CIT: variants seen among roughly 807,000 people sequenced by gnomAD.
CIT encodes citron Rho-interacting kinase.
In CIT, 79 loss-of-function variants were observed where a neutral mutation model predicts 272.7. The ratio of observed to expected loss-of-function variants is 0.29; its 90% CI spans 0.24 to 0.35. The LOEUF (loss-of-function observed/expected upper bound fraction) is 0.35. Ranked by LOEUF, CIT falls within the 10% of genes least tolerant of loss-of-function variation. The pLI, the probability that CIT is intolerant of heterozygous loss-of-function variation, is 1.00. For missense variants in CIT, 1,909 were observed against 2,618.3 expected (o/e 0.73, Z 5.91); for synonymous variants, 948 against 995.6 (o/e 0.95, Z 0.90).
At chr12:119,772,744 G>GC in intron 17 of CIT, 26 bp downstream of exon 17, 1 of 1,600,978 alleles carries the variant, frequency 6.2e-7, no homozygotes, top group South Asian at 1.1e-5. Context: ...GGCCGCTGGG[G>GC]CCTGGGCTGG....
intron 10 of CIT, among the ~76,000 whole-genome samples, chr12:119,801,003 A>G (rs560154904): frequency 7.2e-5 from 11 of 152,254 alleles, no homozygotes; most frequent in Non-Finnish European, 1.6e-4. Context: ...ACGCAAGATG[A>G]AAGAAAATCT....
chr12:119,770,676 A>G lies in CIT; in HGVS notation c.2208+109T>C. The G allele has an allele frequency of 7.8e-7, 1 of 1,282,306 alleles. No homozygotes were observed. The highest frequency in any genetic ancestry group is 1.1e-6 in the Non-Finnish European group (1 of 904,340). The allele number at this position is 1,282,306 out of a possible 1,614,324, so 79.4% of individuals were successfully genotyped here. A position where few individuals can be genotyped will look rare whatever the true frequency, so the allele number is the denominator to read the frequency against. ...TGAAACCACCTCACTCAATTCATCT[A>G]CTTGGAGATACCTCCCTTATTGTGG... On this transcript the variant is annotated intron_variant, in intron 18 of 47. Transcript: ENST00000392521. This position sits in a 1 kb window ranked among gnomAD's most constrained non-coding sequence, Gnocchi z 4.4.
chr12:119,713,688 T>G lies in CIT; in HGVS notation c.4307-40A>C, dbSNP rs7311975. 3,800 of 1,603,496 alleles carry G rather than the reference T, an allele frequency of 2.4e-3. 82 individuals are homozygous for G. The African/African-American group carries it at 0.046, about 19-fold the overall frequency. ...TGAGCAACCTGAGGGCATGCTCAGCTGACCCTGGACCCTTCCCTTCCTCTG... is the reference window on the plus strand; with the variant it reads ...TGAGCAACCTGAGGGCATGCTCAGCGGACCCTGGACCCTTCCCTTCCTCTG... On this transcript the variant is annotated intron_variant, in intron 33 of 47. Coordinates refer to ENST00000392521, the MANE Select transcript of CIT (RefSeq NM_001206999.2). The surrounding 1 kb of genome is among the most constrained non-coding windows in gnomAD (Gnocchi z 5.2).
intron 29 of CIT, 45 bp from the exon 30 acceptor site, chr12:119,720,630 A>G (rs775907230): frequency 7.1e-7 from 1 of 1,402,316 alleles, no homozygotes; most frequent in East Asian, 2.3e-5. Flanking sequence ...AGACAGAAGT[A>G]TACTTTTAAA....
chr12:119,845,344 T>C (rs1969718662), intron 5 of CIT, among the ~76,000 whole-genome samples: 2 of 151,554 alleles, frequency 1.3e-5, no homozygotes, highest in Non-Finnish European at 2.9e-5. Flanking sequence ...CCACAGCAGT[T>C]AAATCCACAA....
intron 47 of CIT, among the ~76,000 whole-genome samples, chr12:119,689,190 AAAACAAAC>A (rs72404312): frequency 0.012 from 1,754 of 149,912 alleles, 21 homozygotes; most frequent in South Asian, 0.021. Context: ...AAAACAAAAC[AAAACAAAC>A]AAACAAACAA....
intron 9 of CIT, among the ~76,000 whole-genome samples, chr12:119,807,713 G>T (rs188765652): frequency 6.6e-6 from 1 of 151,978 alleles, no homozygotes. Flanking sequence ...AAATGAAGAG[G>T]TTTTAAAAGT....
At chr12:119,877,138 C>G (rs1328616899) in intron 1 of CIT, 111 bp downstream of exon 1, 1 of 152,182 alleles carries the variant, frequency 6.6e-6, no homozygotes, top group African/African-American at 2.4e-5. Context: ...GTGGAATCGC[C>G]GCCCTCCCCG....
At chr12:119,731,777 G>A (rs923102254) in intron 26 of CIT, among the ~76,000 whole-genome samples, 4 of 146,654 alleles carry the variant, frequency 2.7e-5, no homozygotes, top group Non-Finnish European at 6.0e-5. Flanking sequence ...ACCTCACCTT[G>A]TTCTGTAACA....
chr12:119,775,281 A>AT (rs1241731542), intron 16 of CIT, among the ~76,000 whole-genome samples: 2 of 151,526 alleles, frequency 1.3e-5, no homozygotes, highest in African/African-American at 4.9e-5. Context: ...TCAAAAAAAA[A>AT]TTTTTTTTAA....
chr12:119,772,561 T>C (rs758428716), intron 17 of CIT, among the ~76,000 whole-genome samples: 1 of 152,234 alleles, frequency 6.6e-6, no homozygotes, highest in African/African-American at 2.4e-5. Context: ...AAAACTTCTA[T>C]GAAGACATCT....
At chr12:119,808,801 T>C (rs888180837) in intron 9 of CIT, among the ~76,000 whole-genome samples, 11 of 152,212 alleles carry the variant, frequency 7.2e-5, no homozygotes, top group African/African-American at 2.7e-4. Context: ...GACACTATGT[T>C]CAAATTTAAA....
In CIT at chr12:119,712,749, A is replaced by C; in HGVS notation, c.4580-54T>G. The C allele has an allele frequency of 7.0e-7, 1 of 1,436,612 alleles. No individual in the cohort carries two copies. The highest frequency in any genetic ancestry group is 9.8e-7 in the Non-Finnish European group (1 of 1,019,620). 89.0% of individuals were successfully genotyped at this position (1,436,612 alleles called of 1,614,324 possible). A position where few individuals can be genotyped will look rare whatever the true frequency, so the allele number is the denominator to read the frequency against. On this transcript the variant is annotated intron_variant, in intron 35 of 47. Coordinates refer to ENST00000392521, the MANE Select transcript of CIT (RefSeq NM_001206999.2). This position sits in a 1 kb window ranked among gnomAD's most constrained non-coding sequence, Gnocchi z 5.2. ...AAAACAAAAGAACAGGAACAAGAAC[A>C]AGGGGAGAAGAGAGAGCGAGAGAGA...
At chr12:119,810,495 T>C (rs1325765416) in intron 9 of CIT, among the ~76,000 whole-genome samples, 1 of 150,820 alleles carries the variant, frequency 6.6e-6, no homozygotes, top group African/African-American at 2.4e-5. Flanking sequence ...AGGTCAGGAG[T>C]TTGAGACCAA....
chr12:119,759,193 T>A (rs1176661947), intron 20 of CIT, among the ~76,000 whole-genome samples: 1 of 152,216 alleles, frequency 6.6e-6, no homozygotes, highest in East Asian at 1.9e-4. Context: ...CCACCTGTTA[T>A]GAACCAGGCC....
chr12:119,722,435 G>C (rs1306939771), intron 28 of CIT, among the ~76,000 whole-genome samples: 1 of 152,164 alleles, frequency 6.6e-6, no homozygotes, highest in Non-Finnish European at 1.5e-5. Context: ...AGCAGGCCCA[G>C]AGCCACTGAT....
chr12:119,760,114 G>A (rs1274973202), intron 20 of CIT, among the ~76,000 whole-genome samples: 6 of 151,392 alleles, frequency 4.0e-5, no homozygotes, highest in African/African-American at 1.5e-4. Flanking sequence ...TTGAACCTGG[G>A]AGGCGGAGGT....
chr12:119,788,209 C>G (rs1373655302), intron 10 of CIT, among the ~76,000 whole-genome samples: 1 of 152,166 alleles, frequency 6.6e-6, no homozygotes, highest in African/African-American at 2.4e-5. Flanking sequence ...TTCTCACCAG[C>G]CTGTTTTCTA....
chr12:119,751,896 C>T (rs1270019105), intron 23 of CIT, among the ~76,000 whole-genome samples, 154 bp downstream of exon 23: 1 of 152,180 alleles, frequency 6.6e-6, no homozygotes, highest in East Asian at 1.9e-4. Flanking sequence ...AAGCAGCAGC[C>T]TATGTAAGCC....
Sources: gnomAD v4.1 joint callset for allele counts (sites outside exome capture counted in the v4.1 genomes callset) on GRCh38, gnomAD v4.1.1 for gene constraint, Gnocchi (gnomAD v3.1) non-coding constraint, MANE v1.5 for transcripts, NCBI Gene and HGNC (gene_info 2026-07-23, HGNC 2026-07-21) for gene names.